TMEM132D: variants seen among roughly 807,000 people sequenced by gnomAD.
TMEM132D encodes the protein transmembrane protein 132D, also known as mature OL transmembrane protein.
A neutral mutation model predicts 62.3 loss-of-function variants in TMEM132D; 21 were observed. That is an observed-to-expected ratio of 0.34 (90% confidence interval 0.24 to 0.49). The LOEUF is 0.49. TMEM132D is among the 20% of genes least tolerant of loss of function. The pLI is 0.99. For missense variants in TMEM132D, 1,346 were observed against 1,402.8 expected (o/e 0.96, Z 0.65); for synonymous variants, 621 against 575.6 (o/e 1.08, Z -1.13).
At chr12:129,817,553 G>A (rs1872382625) in intron 1 of TMEM132D, among the ~76,000 whole-genome samples, 1 of 151,798 alleles carries the variant, frequency 6.6e-6, no homozygotes, top group South Asian at 2.1e-4. Context: ...ATTTTAGCAA[G>A]CTGGGAGAAT....
At chr12:129,425,531 T>C (rs973414641) in intron 3 of TMEM132D, among the ~76,000 whole-genome samples, 2 of 151,938 alleles carry the variant, frequency 1.3e-5, no homozygotes, top group South Asian at 2.1e-4. Flanking sequence ...GGAAACACAA[T>C]AAACACGCAT....
At chr12:129,741,511 TG>T (rs1354611528) in intron 1 of TMEM132D, among the ~76,000 whole-genome samples, 1 of 152,198 alleles carries the variant, frequency 6.6e-6, no homozygotes, top group Non-Finnish European at 1.5e-5. Flanking sequence ...TGAGAGACTC[TG>T]AAAGAATCAA....
Position 129,507,071 on chromosome 12 carries a change from G to A in TMEM132D, c.1115+23988C>T, listed in dbSNP as rs182611035. ...GGACATGAATAGAAAATTCTCAAAG[G>A]AAGATATATAGATGGCCAACAAACA... On this transcript the variant is annotated intron_variant, in intron 3 of 8. Coordinates refer to ENST00000422113, the MANE Select transcript of TMEM132D (RefSeq NM_133448.3). Among the ~76,000 whole-genome samples, 627 of 152,140 alleles carry A rather than the reference G, an allele frequency of 4.1e-3. 2 individuals carry two copies. The highest frequency in any genetic ancestry group is 0.01 in the Middle Eastern group (3 of 294).
rs541166706 is a variant in TMEM132D, at chr12:129,184,404, G to A, written c.1443+25116C>T. 5.3e-5 allele frequency among the ~76,000 whole-genome samples: 8 copies of A among 152,280 alleles called. No individual in the cohort carries two copies. The South Asian group carries it at 1.5e-3, about 28-fold the overall frequency. On this transcript the variant is annotated intron_variant, in intron 5 of 8. Coordinates refer to ENST00000422113, the MANE Select transcript of TMEM132D (RefSeq NM_133448.3). ...CTCATCCACAGGCTGTCCTTTGTGC[G>A]GGCTGTTTACAAACAAAACAGAAAA...
At chr12:129,378,877 G>T (rs954722226) in intron 3 of TMEM132D, among the ~76,000 whole-genome samples, 2 of 152,162 alleles carry the variant, frequency 1.3e-5, no homozygotes, top group Admixed American at 6.5e-5. Flanking sequence ...GTCTTAAGCA[G>T]CTTCAGAGAG....
At chr12:129,826,244 C>G (rs907012413) in intron 1 of TMEM132D, among the ~76,000 whole-genome samples, 1 of 152,198 alleles carries the variant, frequency 6.6e-6, no homozygotes, top group Admixed American at 6.5e-5. Flanking sequence ...GCTTGAGTCC[C>G]TGAGTGACCC....
chr12:129,166,617 C>A (rs1349354445), intron 5 of TMEM132D, among the ~76,000 whole-genome samples: 2 of 151,260 alleles, frequency 1.3e-5, no homozygotes, highest in Non-Finnish European at 2.9e-5. Context: ...GACTATGCAA[C>A]CTCCAGTAAG....
intron 4 of TMEM132D, among the ~76,000 whole-genome samples, chr12:129,319,833 A>T (rs1177053916): frequency 6.6e-6 from 1 of 152,232 alleles, no homozygotes; most frequent in African/African-American, 2.4e-5. Flanking sequence ...ATGGCATGCG[A>T]ATCTCAGTTA....
intron 3 of TMEM132D, among the ~76,000 whole-genome samples, chr12:129,502,377 C>G (rs1442404449): frequency 6.6e-6 from 1 of 152,190 alleles, no homozygotes; most frequent in Non-Finnish European, 1.5e-5. Context: ...AATAGCTTCT[C>G]AATTAGGCAT....
At chr12:129,272,083 C>T (rs542449363) in intron 4 of TMEM132D, among the ~76,000 whole-genome samples, 12 of 151,872 alleles carry the variant, frequency 7.9e-5, no homozygotes, top group Middle Eastern at 3.4e-3. Flanking sequence ...ACAGCAAAGT[C>T]GGGGTGATTG....
intron 3 of TMEM132D, among the ~76,000 whole-genome samples, chr12:129,486,532 T>G (rs1189227912): frequency 2.0e-5 from 3 of 152,112 alleles, no homozygotes; most frequent in Non-Finnish European, 1.5e-5. Flanking sequence ...AAGTCCCTTT[T>G]CCAAGGTCCC....
chr12:129,136,893 CCAT>C (rs1396853879), intron 5 of TMEM132D, among the ~76,000 whole-genome samples: 1 of 149,842 alleles, frequency 6.7e-6, no homozygotes, highest in Non-Finnish European at 1.5e-5. Flanking sequence ...ATCATCACCA[CCAT>C]CATCACCATC....
chr12:129,866,278 T>C (rs1432362051), intron 1 of TMEM132D, among the ~76,000 whole-genome samples: 2 of 151,878 alleles, frequency 1.3e-5, no homozygotes, highest in Non-Finnish European at 2.9e-5. Context: ...AAATGATGAG[T>C]TCATGTCCTT....
intron 3 of TMEM132D, among the ~76,000 whole-genome samples, chr12:129,364,719 C>T (rs1267266249): frequency 6.6e-6 from 1 of 152,166 alleles, no homozygotes. Context: ...AAGGTGCATT[C>T]ATTCCAGGCA....
chr12:129,336,963 C>G (rs1169217327), intron 4 of TMEM132D, among the ~76,000 whole-genome samples: 3 of 152,160 alleles, frequency 2.0e-5, no homozygotes, highest in African/African-American at 7.2e-5. Flanking sequence ...GCACGGCCGT[C>G]TCACACAAAA....
At chr12:129,515,264 C>T (rs537842103) in intron 3 of TMEM132D, among the ~76,000 whole-genome samples, 81 of 152,306 alleles carry the variant, frequency 5.3e-4, no homozygotes, top group African/African-American at 1.9e-3. Flanking sequence ...CACTGGTTTT[C>T]AGCTCTGCAC....
At chr12:129,263,931 G>A (rs540799171) in intron 4 of TMEM132D, among the ~76,000 whole-genome samples, 2 of 152,254 alleles carry the variant, frequency 1.3e-5, no homozygotes, top group Non-Finnish European at 2.9e-5. Context: ...AAGGGACTTG[G>A]TTCCTGTAAC....
At chr12:129,899,453 G>A (rs908617836) in intron 1 of TMEM132D, among the ~76,000 whole-genome samples, 3 of 151,760 alleles carry the variant, frequency 2.0e-5, no homozygotes, top group African/African-American at 7.3e-5. Flanking sequence ...ATGGGTAGAT[G>A]GACTGGTGGA....
chr12:129,381,632 G>A (rs1302262283), intron 3 of TMEM132D, among the ~76,000 whole-genome samples: 1 of 152,100 alleles, frequency 6.6e-6, no homozygotes, highest in Non-Finnish European at 1.5e-5. Context: ...TAGATTCCAC[G>A]CAGTCTGACT....
Sources: gnomAD v4.1 joint callset for allele counts (sites outside exome capture counted in the v4.1 genomes callset) on GRCh38, gnomAD v4.1.1 for gene constraint, MANE v1.5 for transcripts, NCBI Gene and HGNC (gene_info 2026-07-23, HGNC 2026-07-21) for gene names.